HCFC2: variants seen among roughly 807,000 people sequenced by gnomAD.
HCFC2 encodes the protein host cell factor 2.
In HCFC2, 18 loss-of-function variants were observed where a neutral mutation model predicts 89.2. The ratio of observed to expected loss-of-function variants is 0.20; its 90% confidence interval spans 0.14 to 0.30. HCFC2 has a LOEUF of 0.30. Ranked by LOEUF, HCFC2 falls within the 10% of genes least tolerant of loss-of-function variation. HCFC2 has a pLI of 1.00. For synonymous variants in HCFC2, 308 were observed against 335.7 expected (o/e 0.92, Z 0.90); for missense variants, 578 against 956.1 (o/e 0.60, Z 5.21).
At position 104,064,922 on chromosome 12, in the gene HCFC2, T is replaced by C. The variant is rs1477404918; in HGVS notation, c.163+199T>C. 5 of 424,010 alleles carry C rather than the reference T, an allele frequency of 1.2e-5. No homozygotes were observed. Among genetic ancestry groups the C allele is most frequent in the African/African-American group, 8.4e-5 (4 of 47,848 alleles). 26.3% of individuals were successfully genotyped at this position (424,010 alleles called of 1,614,324 possible). Reference sequence around the variant, plus strand: ...CCGCAGCTCAGGATCTCCGGGGCCCTTGGGGCGCAACGGACCCCGAGCGGG... The same window carrying C: ...CCGCAGCTCAGGATCTCCGGGGCCCCTGGGGCGCAACGGACCCCGAGCGGG... On this transcript the variant is annotated intron_variant, in intron 1 of 14. Coordinates refer to ENST00000229330, the MANE Select transcript of HCFC2 (RefSeq NM_013320.3). The surrounding 1 kb of genome is among the most constrained non-coding windows in gnomAD (Gnocchi z 7.3).
intron 7 of HCFC2, among the ~76,000 whole-genome samples, chr12:104,083,586 A>C (rs1312565758): frequency 6.6e-6 from 1 of 152,224 alleles, no homozygotes; most frequent in African/African-American, 2.4e-5. Flanking sequence ...TATTACACCA[A>C]TAATTTCTTA....
Position 104,095,363 on chromosome 12 carries a change from C to G in HCFC2, c.1466C>G (p.Pro489Arg), listed in dbSNP as rs911883315. The G allele has an allele frequency of 1.2e-6, 2 of 1,611,062 alleles. No homozygotes were observed. Among genetic ancestry groups the G allele is most frequent in the Non-Finnish European group, 1.7e-6 (2 of 1,177,592 alleles). ...TACCTTTTCCCTTTTATTTTAGGTC[C>G]TCACACTTCAGCAAATGTAGGTGTT... ...VVDMLRKNEG[P>R]HTSANVGVLS... Residue 489 changes from proline (P) to arginine (R), a missense_variant, in exon 11 of 15, where the codon CCT becomes CGT. Physicochemically the swap from Pro to Arg is moderately radical, Grantham distance 103 (BLOSUM62 -2). This residue lies in a region of HCFC2 where 210 missense variants were observed against 251.7 expected (regional missense o/e 0.83). Transcript: ENST00000229330. The surrounding 1 kb of genome is among the most constrained non-coding windows in gnomAD (Gnocchi z 4.2).
At position 104,095,241 on chromosome 12, in the gene HCFC2, G is replaced by T; in HGVS notation, c.1463-119G>T. On this transcript the variant is annotated intron_variant, in intron 10 of 14. Transcript: ENST00000229330. This position sits in a 1 kb window ranked among gnomAD's most constrained non-coding sequence, Gnocchi z 4.2. The stretch of plus-strand genomic sequence containing the variant: ...TGGATAATTCATACTAATACCATTT[G>T]TGGTGCTCATGTATGATTTTAAAAC... 1 of 710,074 alleles carries T rather than the reference G, an allele frequency of 1.4e-6. No homozygotes were observed. Among genetic ancestry groups the T allele is most frequent in the Non-Finnish European group, 2.4e-6 (1 of 421,824 alleles). The allele number at this position is 710,074 out of a possible 1,614,324, so 44.0% of individuals were successfully genotyped here.
chr12:104,083,763 C>T (rs1439491043), intron 7 of HCFC2, among the ~76,000 whole-genome samples: 1 of 152,150 alleles, frequency 6.6e-6, no homozygotes, highest in Admixed American at 6.5e-5. Flanking sequence ...CAGTGGCTCA[C>T]ACCTGTAATC....
chr12:104,067,152 G>A (rs1883175620), intron 2 of HCFC2, among the ~76,000 whole-genome samples: 1 of 152,156 alleles, frequency 6.6e-6, no homozygotes, highest in Non-Finnish European at 1.5e-5. Context: ...GGTATCAACT[G>A]ACATATTCAC....
chr12:104,096,349 T>G lies in HCFC2; in HGVS notation c.1667-11T>G. 1.3e-6 allele frequency: 2 copies of G among 1,575,086 alleles called. No individual in the cohort carries two copies. The highest frequency in any genetic ancestry group is 1.7e-6 in the Non-Finnish European group (2 of 1,153,432). ...ATGTAAATCTTATCTGATAAATTGT[T>G]TAATTTTTAGTTGATGAAACATATG... On this transcript the variant is annotated splice_polypyrimidine_tract_variant and intron_variant, in intron 11 of 14. Coordinates refer to ENST00000229330, the MANE Select transcript of HCFC2 (RefSeq NM_013320.3).
chr12:104,082,284 A>G (rs1464367572), intron 5 of HCFC2, among the ~76,000 whole-genome samples: 2 of 152,216 alleles, frequency 1.3e-5, no homozygotes, highest in African/African-American at 4.8e-5. Flanking sequence ...CCAGAGAGAA[A>G]TAATTGTGAT....
intron 14 of HCFC2, among the ~76,000 whole-genome samples, chr12:104,102,472 C>T (rs528895630): frequency 6.6e-6 from 1 of 152,282 alleles, no homozygotes; most frequent in East Asian, 1.9e-4. Context: ...CCTCTTCCCA[C>T]CCTCCACTCT....
intron 13 of HCFC2, among the ~76,000 whole-genome samples, chr12:104,101,156 C>T (rs529651791): frequency 6.6e-6 from 1 of 152,212 alleles, no homozygotes; most frequent in African/African-American, 2.4e-5. Flanking sequence ...AATTATTTAA[C>T]ATTTATTTGG....
rs1160230079 is a variant in HCFC2 at position 104,082,620 on chromosome 12, G to A, written c.874+14G>A. On this transcript the variant is annotated intron_variant, in intron 6 of 14. Coordinates refer to ENST00000229330, the MANE Select transcript of HCFC2 (RefSeq NM_013320.3). Reference sequence around the variant, plus strand: ...ACCTAAATCTGGGTGAGTCTTTTAAGAGTTACTCATTGAATTAATCTTTAT... The same window carrying A: ...ACCTAAATCTGGGTGAGTCTTTTAAAAGTTACTCATTGAATTAATCTTTAT... 1 of 1,588,844 alleles carries A rather than the reference G, an allele frequency of 6.3e-7. No homozygotes were observed. The highest frequency in any genetic ancestry group is 1.1e-5 in the South Asian group (1 of 88,872).
intron 13 of HCFC2, among the ~76,000 whole-genome samples, chr12:104,101,402 T>C (rs927413198): frequency 6.6e-6 from 1 of 152,006 alleles, no homozygotes; most frequent in Admixed American, 6.6e-5. Context: ...GGAGAATCGC[T>C]TGAACCCGGG....
rs1031498066 is a variant in HCFC2, at chr12:104,097,612, CAG to C, written c.1741-729_1741-728del. On this transcript the variant is annotated intron_variant, in intron 12 of 14. Coordinates refer to ENST00000229330, the MANE Select transcript of HCFC2 (RefSeq NM_013320.3). Reference sequence around the variant, plus strand: ...TACCTCTGCTGTTATATATTTAAGACAGAAATAAATAACTGAAGTGCACATTT... The same window carrying C: ...TACCTCTGCTGTTATATATTTAAGACAAATAAATAACTGAAGTGCACATTT... 527 of 951,852 alleles carry C rather than the reference CAG, an allele frequency of 5.5e-4. 4 individuals carry two copies. The highest frequency in any genetic ancestry group is 6.4e-4 in the Non-Finnish European group (511 of 799,516). 59.0% of individuals were successfully genotyped at this position (951,852 alleles called of 1,614,324 possible).
At chr12:104,086,067 G>T (rs1452774646) in intron 7 of HCFC2, among the ~76,000 whole-genome samples, 2 of 145,800 alleles carry the variant, frequency 1.4e-5, no homozygotes, top group African/African-American at 5.1e-5. Context: ...TTGCGACCTC[G>T]GCTCACTGCA....
chr12:104,069,825 T>C (rs1429856281), intron 3 of HCFC2, among the ~76,000 whole-genome samples: 2 of 152,080 alleles, frequency 1.3e-5, no homozygotes, highest in South Asian at 2.1e-4. Context: ...CATTAGGTAT[T>C]TGTCCTAATG....
intron 9 of HCFC2, among the ~76,000 whole-genome samples, chr12:104,091,681 T>C (rs1884027053): frequency 6.6e-6 from 1 of 152,176 alleles, no homozygotes; most frequent in Admixed American, 6.5e-5. Context: ...AAAAGCACAT[T>C]CCAGATGTAA....
chr12:104,072,791 C>T (rs1258645926), intron 3 of HCFC2, among the ~76,000 whole-genome samples: 5 of 151,938 alleles, frequency 3.3e-5, no homozygotes, highest in South Asian at 2.1e-4. Context: ...TACAGGCGCC[C>T]GCCACCATGC....
chr12:104,077,266 G>A (rs536495397), intron 3 of HCFC2, among the ~76,000 whole-genome samples: 13 of 149,994 alleles, frequency 8.7e-5, no homozygotes, highest in Non-Finnish European at 1.5e-4. Context: ...TTTTTGAGAC[G>A]GAGTCTCGTT....
chr12:104,065,029 C>A, intron 1 of HCFC2: 2 of 285,904 alleles, frequency 7.0e-6, no homozygotes, highest in East Asian at 6.4e-5. Flanking sequence ...AGACCATGTC[C>A]AACCGCCTGG....
At chr12:104,088,514 G>T (rs1883932873) in intron 9 of HCFC2, among the ~76,000 whole-genome samples, 1 of 152,176 alleles carries the variant, frequency 6.6e-6, no homozygotes, top group Non-Finnish European at 1.5e-5. Flanking sequence ...CACTTGTGAG[G>T]TTCTTTCTTG....
Sources: allele counts gnomAD v4.1 joint callset (sites outside exome capture counted in the v4.1 genomes callset), GRCh38; gene constraint gnomAD v4.1.1; regional missense constraint gnomAD v4.1.1; non-coding constraint Gnocchi (gnomAD v3.1); transcripts MANE v1.5; gene names NCBI Gene and HGNC (gene_info 2026-07-23, HGNC 2026-07-21).